Variants in HORMAD1 observed in about 807,000 individuals in gnomAD.
HORMAD1 encodes the protein HORMA domain containing 1.
In HORMAD1, 33 loss-of-function variants were observed where a neutral mutation model predicts 58.2. That is an observed-to-expected ratio of 0.57 (90% CI 0.43 to 0.76). The LOEUF is 0.76. Ranked by LOEUF, HORMAD1 falls within the 30% of genes least tolerant of loss-of-function variation. The pLI is 0.00. For synonymous variants in HORMAD1, 137 were observed against 144.6 expected (o/e 0.95, Z 0.38); for missense variants, 363 against 462.0 (o/e 0.79, Z 1.96).
chr1:150,710,752 C>T (rs587702130), intron 7 of HORMAD1, among the ~76,000 whole-genome samples: 129 of 152,286 alleles, frequency 8.5e-4, no homozygotes, highest in African/African-American at 3.0e-3. Flanking sequence ...TATTTCATTG[C>T]TTACATAGTG....
intron 1 of HORMAD1, among the ~76,000 whole-genome samples, chr1:150,720,262 G>A (rs1026238861): frequency 6.6e-6 from 1 of 152,152 alleles, no homozygotes; most frequent in African/African-American, 2.4e-5. Flanking sequence ...AGTAGACACG[G>A]GGTTTCACCA....
intron 10 of HORMAD1, 91 bp from the exon 11 acceptor site, chr1:150,704,434 T>C: frequency 5.0e-6 from 4 of 798,524 alleles, no homozygotes; most frequent in East Asian, 2.7e-5. Context: ...ATTTGTTTCA[T>C]GTGAAGGCTA....
intron 5 of HORMAD1, among the ~76,000 whole-genome samples, chr1:150,712,661 G>A (rs1365267804): frequency 2.6e-5 from 4 of 152,122 alleles, no homozygotes; most frequent in Non-Finnish European, 4.4e-5. Context: ...CGATTCTCCT[G>A]CCTCAGCCTC....
rs1044912594 is a variant in HORMAD1 at position 150,700,113 on chromosome 1, A to C, written c.1103T>G (p.Ile368Arg). 7 of 1,448,400 alleles carry C rather than the reference A, an allele frequency of 4.8e-6. No individual in the cohort carries two copies. The Admixed American group carries it at 6.7e-5, about 14-fold the overall frequency. 89.7% of individuals were successfully genotyped at this position (1,448,400 alleles called of 1,614,324 possible). ...ACTATACATTATCATAAGACTTACTATTCTCCCAGATTCATGTTGACTTCT... is the reference window on the plus strand; with the variant it reads ...ACTATACATTATCATAAGACTTACTCTTCTCCCAGATTCATGTTGACTTCT... The part of the protein sequence containing the change: ...RKRSQHESGR[I>R]VLHHFDSSSQ... Residue 368 changes from isoleucine (I) to arginine (R), a missense_variant and splice_region_variant, in exon 14 of 15, where the codon ATA (isoleucine) becomes AGA (arginine). This residue lies in a region of HORMAD1 where 226 missense variants were observed against 257.8 expected (regional missense o/e 0.88). Transcript: ENST00000361824.
In HORMAD1 at chr1:150,698,710, T is replaced by G. The variant is rs1651445117; in HGVS notation, c.1129A>C (p.Ser377Arg). 4 of 1,598,496 alleles carry G rather than the reference T, an allele frequency of 2.5e-6. No homozygotes were observed. Among genetic ancestry groups the G allele is most frequent in the Non-Finnish European group, 2.6e-6 (3 of 1,167,664 alleles). The change falls in exon 15 of 15, where the codon AGT becomes CGT. Residue 377 changes from serine (S) to arginine (R), a missense_variant. This residue lies in a region of HORMAD1 where 226 missense variants were observed against 257.8 expected (regional missense o/e 0.88). Transcript: ENST00000361824. ...CTCCTTTTTGGCACTGACTCTTGAC[T>G]AGAAGAATCAAAGTGATGGAGGACC... Reference protein sequence around the residue: ...RIVLHHFDSSSQESVPKRRKF... With the variant: ...RIVLHHFDSSRQESVPKRRKF...
At position 150,706,715 on chromosome 1, in the gene HORMAD1, T is replaced by C. The variant is rs1483668171; in HGVS notation, c.642A>G (p.Glu214=). The C allele has an allele frequency of 1.2e-6, 2 of 1,613,698 alleles. No homozygotes were observed. Among genetic ancestry groups the C allele is most frequent in the African/African-American group, 2.7e-5 (2 of 74,906 alleles). Residue 214 remains glutamate, a synonymous_variant, in exon 10 of 15, where the codon GAA becomes GAG. Coordinates refer to ENST00000361824, the MANE Select transcript of HORMAD1 (RefSeq NM_032132.5). ...TGAAGATGTGAAAAGGTGTTGAGACTTCTCCCACATTTAAATACATAGGTT... is the reference window on the plus strand; with the variant it reads ...TGAAGATGTGAAAAGGTGTTGAGACCTCTCCCACATTTAAATACATAGGTT... The part of the protein sequence containing the change: ...EGEPMYLNVG[E]VSTPFHIFKV...
intron 1 of HORMAD1, among the ~76,000 whole-genome samples, chr1:150,719,791 A>T (rs1652190645): frequency 6.6e-6 from 1 of 152,246 alleles, no homozygotes; most frequent in African/African-American, 2.4e-5. Context: ...ACTTTTTAAA[A>T]AGGCACAATC....
At chr1:150,704,253 T>C (rs1338458648) in intron 11 of HORMAD1, 24 bp downstream of exon 11, 3 of 1,580,938 alleles carry the variant, frequency 1.9e-6, no homozygotes, top group Non-Finnish European at 2.6e-6. Context: ...AGTGAGTTAA[T>C]GTACATTTTC....
intron 13 of HORMAD1, among the ~76,000 whole-genome samples, chr1:150,703,052 C>T (rs1481432692): frequency 6.6e-6 from 1 of 152,130 alleles, no homozygotes; most frequent in African/African-American, 2.4e-5. Context: ...TTAACCATTC[C>T]TTTCTTTGTG....
intron 3 of HORMAD1, among the ~76,000 whole-genome samples, chr1:150,715,737 A>G (rs1652049192): frequency 6.6e-6 from 1 of 151,964 alleles, no homozygotes; most frequent in African/African-American, 2.4e-5. Flanking sequence ...CCCTGGCTGT[A>G]TTATTTTTAC....
At chr1:150,709,738 C>T (rs1009323381) in intron 7 of HORMAD1, among the ~76,000 whole-genome samples, 7 of 151,848 alleles carry the variant, frequency 4.6e-5, no homozygotes, top group African/African-American at 1.5e-4. Flanking sequence ...CTGAATGTCT[C>T]GGTATAAAAC....
intron 4 of HORMAD1, 88 bp from the exon 5 acceptor site, chr1:150,714,209 T>C (rs1651994700): frequency 2.6e-6 from 2 of 768,164 alleles, no homozygotes; most frequent in Non-Finnish European, 4.3e-6. Flanking sequence ...ATCTCATTAC[T>C]AAATAATACA....
At chr1:150,717,908 T>G (rs931466985) in intron 2 of HORMAD1, among the ~76,000 whole-genome samples, 3 of 152,112 alleles carry the variant, frequency 2.0e-5, no homozygotes, top group Admixed American at 1.3e-4. Context: ...ATCGCACCAC[T>G]GCACTCCAGC....
In HORMAD1 at chr1:150,714,686, C is replaced by A. The variant is rs1222140167; in HGVS notation, c.179-8G>T. The A allele has an allele frequency of 7.0e-7, 1 of 1,422,090 alleles. No individual in the cohort carries two copies. The highest frequency in any genetic ancestry group is 1.4e-5 in the South Asian group (1 of 71,180). 88.1% of individuals were successfully genotyped at this position (1,422,090 alleles called of 1,614,324 possible). A position where few individuals can be genotyped will look rare whatever the true frequency, so the allele number is the denominator to read the frequency against. The stretch of plus-strand genomic sequence containing the variant: ...GTATTTTGACACAAAGATCTAAACA[C>A]AAAAATGATGAAATATAGAGTTACT... On this transcript the variant is annotated splice_region_variant and splice_polypyrimidine_tract_variant and intron_variant, in intron 3 of 14. Coordinates refer to ENST00000361824, the MANE Select transcript of HORMAD1 (RefSeq NM_032132.5).
intron 6 of HORMAD1, 126 bp from the exon 7 acceptor site, chr1:150,711,697 T>G (rs1651910590): frequency 1.1e-6 from 1 of 940,576 alleles, no homozygotes; most frequent in African/African-American, 1.6e-5. Context: ...CCCAAAATAT[T>G]ACTTTTTCAT....
intron 3 of HORMAD1, among the ~76,000 whole-genome samples, chr1:150,716,539 A>G (rs1056538177): frequency 6.6e-6 from 1 of 152,022 alleles, no homozygotes; most frequent in African/African-American, 2.4e-5. Flanking sequence ...TAGATTGGTG[A>G]TTGCCTAGGA....
chr1:150,704,017 TA>T, intron 12 of HORMAD1, 100 bp downstream of exon 12: 1 of 731,302 alleles, frequency 1.4e-6, no homozygotes, highest in Non-Finnish European at 2.2e-6. Flanking sequence ...AATTTTATTC[TA>T]AAAGACCTGG....
At chr1:150,709,124 G>T (rs1651781465) in intron 7 of HORMAD1, 163 bp from the exon 8 acceptor site, 1 of 597,036 alleles carries the variant, frequency 1.7e-6, no homozygotes, top group Non-Finnish European at 3.0e-6. Context: ...CAGTTTTCAT[G>T]GTTTGGGTTT....
chr1:150,712,471 T>C (rs745426471), intron 5 of HORMAD1, among the ~76,000 whole-genome samples: 1 of 152,224 alleles, frequency 6.6e-6, no homozygotes. Context: ...ACTACAGTAA[T>C]GGCCTAGGTG....
Sources: gnomAD v4.1 joint callset for allele counts (sites outside exome capture counted in the v4.1 genomes callset) on GRCh38, gnomAD v4.1.1 for gene constraint, gnomAD v4.1.1 regional missense constraint, MANE v1.5 for transcripts, NCBI Gene and HGNC (gene_info 2026-07-23, HGNC 2026-07-21) for gene names.